FOXP2: variants seen among roughly 807,000 people sequenced by gnomAD.
FOXP2 encodes the protein forkhead box protein P2.
A neutral mutation model predicts 115.8 loss-of-function variants in FOXP2; 12 were observed. The observed-to-expected ratio is 0.10, with a 90% CI of 0.07 to 0.17. The LOEUF (loss-of-function observed/expected upper bound fraction) is 0.17. Ranked by LOEUF, FOXP2 falls within the 10% of genes least tolerant of loss-of-function variation. FOXP2 has a pLI of 1.00. For missense variants in FOXP2, 629 were observed against 843.5 expected, an observed-to-expected ratio of 0.75 and a Z score of 3.15; for synonymous variants, 328 against 297.7, an observed-to-expected ratio of 1.10 and a Z score of -1.05.
chr7:114,336,932 C>G (rs1232068591), intron 2 of FOXP2, among the ~76,000 whole-genome samples: 1 of 151,450 alleles, frequency 6.6e-6, no homozygotes, highest in East Asian at 1.9e-4. Flanking sequence ...GATTATTCAT[C>G]CAGTTTAATA....
At chr7:114,108,223 T>C (rs1379373172) in intron 1 of FOXP2, among the ~76,000 whole-genome samples, 1 of 151,898 alleles carries the variant, frequency 6.6e-6, no homozygotes, top group Non-Finnish European at 1.5e-5. Context: ...AGTGTTGGTC[T>C]TTTTAGAATT....
At chr7:114,577,291 A>G (rs1207662888) in intron 3 of FOXP2, among the ~76,000 whole-genome samples, 2 of 151,980 alleles carry the variant, frequency 1.3e-5, no homozygotes, top group African/African-American at 4.8e-5. Context: ...AACAACAACA[A>G]CAACAAAACT....
At chr7:114,580,028 G>T (rs578122086) in intron 3 of FOXP2, among the ~76,000 whole-genome samples, 2 of 152,200 alleles carry the variant, frequency 1.3e-5, no homozygotes, top group Non-Finnish European at 2.9e-5. Flanking sequence ...GCCTCTTATT[G>T]TATAGGCTAA....
intron 2 of FOXP2, among the ~76,000 whole-genome samples, chr7:114,529,420 A>C (rs1026798916): frequency 6.6e-6 from 1 of 151,840 alleles, no homozygotes; most frequent in Non-Finnish European, 1.5e-5. Context: ...TTGGCTCTAC[A>C]TCATAAGATA....
At chr7:114,532,420 T>C (rs1197384148) in intron 2 of FOXP2, among the ~76,000 whole-genome samples, 2 of 151,858 alleles carry the variant, frequency 1.3e-5, no homozygotes, top group Non-Finnish European at 2.9e-5. Flanking sequence ...TTTACTAGAG[T>C]CTTACTCATT....
At chr7:114,239,680 T>C (rs1157020960) in intron 1 of FOXP2, among the ~76,000 whole-genome samples, 1 of 152,104 alleles carries the variant, frequency 6.6e-6, no homozygotes, top group Non-Finnish European at 1.5e-5. Flanking sequence ...CATAAACAAA[T>C]AGTTAAAAGA....
chr7:114,195,426 A>G (rs554576797), intron 1 of FOXP2, among the ~76,000 whole-genome samples: 3 of 152,324 alleles, frequency 2.0e-5, no homozygotes, highest in Non-Finnish European at 2.9e-5. Context: ...CATTCTCAGC[A>G]TCTTCTCATT....
rs193274249 is a variant in FOXP2, at chr7:114,382,493, A to G, written c.-10-44009A>G. On this transcript the variant is annotated intron_variant, in intron 2 of 17. Coordinates refer to the FOXP2 transcript ENST00000634411. ...CTTTTTTAAAGTGTCCTTGTAGACCACACTGGAAGCAAGCCCTATTAGGCA... is the reference window on the plus strand; with the variant it reads ...CTTTTTTAAAGTGTCCTTGTAGACCGCACTGGAAGCAAGCCCTATTAGGCA... Among the ~76,000 whole-genome samples, 111 of 152,222 alleles carry G rather than the reference A, an allele frequency of 7.3e-4. 1 individual carries two copies. The highest frequency in any genetic ancestry group is 2.5e-3 in the African/African-American group (103 of 41,528).
chr7:114,584,145 T>A lies in FOXP2; in HGVS notation c.259-44395T>A, dbSNP rs1584923474. Among the ~76,000 whole-genome samples the A allele has an allele frequency of 2.0e-5, 3 of 152,306 alleles. No individual in the cohort carries two copies. In the South Asian group the frequency reaches 6.2e-4, roughly 32 times the overall value. On this transcript the variant is annotated intron_variant, in intron 3 of 16. Coordinates refer to ENST00000350908, the MANE Select transcript of FOXP2 (RefSeq NM_014491.4). Reference sequence around the variant, plus strand: ...ATTTTAGTAAATGATTGAGTCAAGATCCAAACTCAGGGCTCTCTGACTCTA... The same window carrying A: ...ATTTTAGTAAATGATTGAGTCAAGAACCAAACTCAGGGCTCTCTGACTCTA...
intron 1 of FOXP2, among the ~76,000 whole-genome samples, chr7:114,119,009 A>G (rs1393887307): frequency 1.3e-5 from 2 of 152,294 alleles, no homozygotes; most frequent in East Asian, 3.9e-4. Flanking sequence ...GGACAAAGAA[A>G]GTCCATTTTG....
chr7:114,379,463 G>A (rs530219559), intron 2 of FOXP2, among the ~76,000 whole-genome samples: 3 of 152,128 alleles, frequency 2.0e-5, no homozygotes, highest in East Asian at 1.9e-4. Flanking sequence ...GAGGTTGGCC[G>A]ATGACCACTC....
At chr7:114,628,438 A>G in intron 3 of FOXP2, 102 bp from the exon 4 acceptor site, 4 of 1,476,932 alleles carry the variant, frequency 2.7e-6, no homozygotes, top group Admixed American at 1.7e-5. Context: ...TTGATCATCA[A>G]TGCTAAAGAA....
chr7:114,658,450 T>C (rs1474547978), intron 11 of FOXP2, among the ~76,000 whole-genome samples, 183 bp downstream of exon 11: 1 of 152,154 alleles, frequency 6.6e-6, no homozygotes, highest in Non-Finnish European at 1.5e-5. Context: ...TGATGAATTG[T>C]TCTGAATGGT....
chr7:114,269,500 A>G (rs1795983493), intron 1 of FOXP2, among the ~76,000 whole-genome samples: 1 of 152,114 alleles, frequency 6.6e-6, no homozygotes, highest in Admixed American at 6.6e-5. Context: ...ATCCTGGCTC[A>G]CTGCAGCTTT....
At chr7:114,359,111 T>C (rs80274544) in intron 2 of FOXP2, among the ~76,000 whole-genome samples, 1 of 152,078 alleles carries the variant, frequency 6.6e-6, no homozygotes, top group East Asian at 1.9e-4. Context: ...GCCTTGCTGC[T>C]TTTTGGAGTC....
intron 1 of FOXP2, among the ~76,000 whole-genome samples, chr7:114,281,348 C>T (rs1037054576): frequency 1.2e-4 from 18 of 152,104 alleles, no homozygotes; most frequent in Admixed American, 4.6e-4. Flanking sequence ...GTGATCCACC[C>T]TCCTTGGCCT....
At chr7:114,525,327 C>T (rs1031377326) in intron 2 of FOXP2, among the ~76,000 whole-genome samples, 2 of 152,168 alleles carry the variant, frequency 1.3e-5, no homozygotes, top group Non-Finnish European at 2.9e-5. Context: ...AGTACATTAT[C>T]CTCTCTGGCT....
At chr7:114,368,708 T>TA (rs1056919443) in intron 2 of FOXP2, among the ~76,000 whole-genome samples, 2 of 152,242 alleles carry the variant, frequency 1.3e-5, no homozygotes, top group African/African-American at 4.8e-5. Context: ...TGCATGCTGC[T>TA]AACTGCTGTT....
At chr7:114,689,299 C>CA (rs1808535534) in intron 16 of FOXP2, among the ~76,000 whole-genome samples, 1 of 151,750 alleles carries the variant, frequency 6.6e-6, no homozygotes, top group East Asian at 1.9e-4. Flanking sequence ...AACAAACACC[C>CA]AATCTAGCTT....
Sources: allele counts gnomAD v4.1 joint callset (sites outside exome capture counted in the v4.1 genomes callset), GRCh38; gene constraint gnomAD v4.1.1; transcripts MANE v1.5; gene names NCBI Gene and HGNC (gene_info 2026-07-23, HGNC 2026-07-21).